BLNK: variants seen among roughly 807,000 people sequenced by gnomAD.
BLNK encodes the protein B cell linker.
Under a neutral mutation model 73.5 loss-of-function variants are expected in BLNK, and 29 were observed. The observed-to-expected ratio is 0.39, with a 90% confidence interval of 0.29 to 0.54. The LOEUF (loss-of-function observed/expected upper bound fraction) is 0.54. BLNK is among the 20% of genes least tolerant of loss of function. BLNK has a pLI of 0.61. For synonymous variants in BLNK, 176 were observed against 200.8 expected, an observed-to-expected ratio of 0.88 and a Z score of 1.04; for missense variants, 460 against 562.8, an observed-to-expected ratio of 0.82 and a Z score of 1.85.
chr10:96,227,335 A>C (rs1842308483), intron 5 of BLNK, 75 bp downstream of exon 5: 2 of 1,576,458 alleles, frequency 1.3e-6, no homozygotes, highest in Middle Eastern at 2.2e-4. Flanking sequence ...GTTTGTCCCC[A>C]CCCCGCAATC....
At chr10:96,261,178 C>T (rs997803207) in intron 1 of BLNK, among the ~76,000 whole-genome samples, 5 of 152,040 alleles carry the variant, frequency 3.3e-5, no homozygotes, top group Admixed American at 6.6e-5. Flanking sequence ...AATATATAAT[C>T]GTGGGTCCCC....
chr10:96,268,529 G>C (rs1179804722), intron 1 of BLNK, among the ~76,000 whole-genome samples: 1 of 152,010 alleles, frequency 6.6e-6, no homozygotes, highest in Admixed American at 6.6e-5. Flanking sequence ...ATGAGAATCT[G>C]TGCTCACACC....
chr10:96,242,328 A>G (rs1411171964), intron 3 of BLNK, among the ~76,000 whole-genome samples: 2 of 152,244 alleles, frequency 1.3e-5, no homozygotes, highest in African/African-American at 4.8e-5. Context: ...CTGTGAGTCC[A>G]TTAAACCTCT....
rs895002772 is a variant in BLNK, at chr10:96,200,236, C to T, written c.1012-78G>A. ...TTTCTGTGTACTAGAAACAAAGACC[C>T]ATTTGCATTATCAAGACAGGCCTCT... On this transcript the variant is annotated intron_variant, in intron 14 of 16. Transcript: ENST00000224337. This position sits in a 1 kb window ranked among gnomAD's most constrained non-coding sequence, Gnocchi z 4.3. 1 of 1,173,300 alleles carries T rather than the reference C, an allele frequency of 8.5e-7. No individual in the cohort carries two copies. Among genetic ancestry groups the T allele is most frequent in the Non-Finnish European group, 1.3e-6 (1 of 790,238 alleles). The allele number at this position is 1,173,300 out of a possible 1,614,324, so 72.7% of individuals were successfully genotyped here.
chr10:96,241,658 C>G (rs1842882491), intron 3 of BLNK, among the ~76,000 whole-genome samples: 1 of 152,162 alleles, frequency 6.6e-6, no homozygotes, highest in Non-Finnish European at 1.5e-5. Flanking sequence ...AGATTAGATT[C>G]ATTAGTGCTG....
intron 5 of BLNK, among the ~76,000 whole-genome samples, chr10:96,225,684 C>T (rs1223470698): frequency 2.0e-5 from 3 of 151,330 alleles, no homozygotes; most frequent in African/African-American, 7.3e-5. Context: ...CTCTTGTTGC[C>T]CAGGCTGGAG....
At chr10:96,256,874 C>A (rs1483559875) in intron 1 of BLNK, among the ~76,000 whole-genome samples, 2 of 91,940 alleles carry the variant, frequency 2.2e-5, no homozygotes, top group African/African-American at 8.2e-5. Flanking sequence ...GAGTGAGACT[C>A]CATCTCAAAA....
At chr10:96,256,158 T>C (rs936576597) in intron 1 of BLNK, among the ~76,000 whole-genome samples, 3 of 151,980 alleles carry the variant, frequency 2.0e-5, no homozygotes, top group Admixed American at 2.0e-4. Context: ...TGGGGGCTGC[T>C]GGCTCAGCCC....
At chr10:96,241,248 G>A (rs1842872074) in intron 3 of BLNK, among the ~76,000 whole-genome samples, 1 of 152,222 alleles carries the variant, frequency 6.6e-6, no homozygotes, top group Admixed American at 6.5e-5. Flanking sequence ...GTTATGGTTT[G>A]GTTTTAGGCT....
chr10:96,215,279 G>A (rs1554899586), intron 8 of BLNK, 42 bp downstream of exon 8: 1 of 1,562,908 alleles, frequency 6.4e-7, no homozygotes, highest in Non-Finnish European at 8.8e-7. Flanking sequence ...TTTCTTATTT[G>A]AAATAGACGT....
At chr10:96,208,682 A>G (rs983084842) in intron 9 of BLNK, among the ~76,000 whole-genome samples, 1 of 152,194 alleles carries the variant, frequency 6.6e-6, no homozygotes, top group Non-Finnish European at 1.5e-5. Flanking sequence ...AACCCTCACC[A>G]TATCTCTCTC....
Position 96,227,561 on chromosome 10 carries a change from G to C in BLNK, c.210C>G (p.Ser70Arg), listed in dbSNP as rs138625467. 1 of 1,613,812 alleles carries C rather than the reference G, an allele frequency of 6.2e-7. No homozygotes were observed. The highest frequency in any genetic ancestry group is 1.7e-5 in the Admixed American group (1 of 60,008). Residue 70 changes from serine to arginine, a missense_variant, in exon 5 of 17, where the codon AGC (serine) becomes AGG (arginine). Ser to Arg is a moderately radical substitution (Grantham distance 110, BLOSUM62 -1). Around this residue, in one of 3 missense-constraint regions of BLNK, gnomAD observed 139 missense variants for 187.3 expected, o/e 0.74. Transcript: ENST00000224337. ...AGTGCTCATCTGGATTTTCATAGTC[G>C]CTGTCCTGCAAGTGCAGATGCAGAC... ...EEEQWSDDFD[S>R]DYENPDEHSD...
At chr10:96,202,441 G>A (rs1454975395) in intron 13 of BLNK, among the ~76,000 whole-genome samples, 1 of 152,218 alleles carries the variant, frequency 6.6e-6, no homozygotes, top group Non-Finnish European at 1.5e-5. Context: ...TGGAAGGTGT[G>A]TGAAGAAAGC....
At chr10:96,206,872 T>G in intron 11 of BLNK, 139 bp downstream of exon 11, 1 of 941,090 alleles carries the variant, frequency 1.1e-6, no homozygotes, top group Non-Finnish European at 1.7e-6. Flanking sequence ...CATTGCTCAT[T>G]GCAAAAACTA....
At chr10:96,244,533 C>T (rs1842977302) in intron 2 of BLNK, among the ~76,000 whole-genome samples, 1 of 152,198 alleles carries the variant, frequency 6.6e-6, no homozygotes, top group Non-Finnish European at 1.5e-5. Context: ...CGGCCATAGA[C>T]CAGTGAAAAC....
Position 96,252,177 on chromosome 10 carries a change from G to A in BLNK, c.48-5128C>T, listed in dbSNP as rs140527222. 8.7e-3 allele frequency among the ~76,000 whole-genome samples: 1,327 copies of A among 152,158 alleles called. 26 individuals carry two copies. The highest frequency in any genetic ancestry group is 0.03 in the African/African-American group (1,254 of 41,496). On this transcript the variant is annotated intron_variant, in intron 1 of 16. Coordinates refer to ENST00000224337, the MANE Select transcript of BLNK (RefSeq NM_013314.4). ...AGCGATTCTCCTGCCTCAGCCTCCC[G>A]AGTAGCTGAGAATACAGGCACCTGC...
intron 3 of BLNK, among the ~76,000 whole-genome samples, chr10:96,234,494 G>C (rs915318880): frequency 1.3e-5 from 2 of 152,154 alleles, no homozygotes. Context: ...AGGCTTTCTA[G>C]GTTCAAATCC....
rs1316869819 is a variant in BLNK at position 96,189,591 on chromosome 10, G to A, written c.*2382C>T. On this transcript the variant is annotated 3_prime_UTR_variant, in exon 17 of 17. Transcript: ENST00000224337. ...TTCTTGTCCTTTTAATCTTGGTGTT[G>A]ATGATGGGTTTGAGTGTTTTCTATT... The A allele has an allele frequency of 1.3e-5, 9 of 687,544 alleles. No individual in the cohort carries two copies. Among genetic ancestry groups the A allele is most frequent in the Non-Finnish European group, 2.2e-5 (8 of 369,394 alleles). The allele number at this position is 687,544 out of a possible 1,614,324, so 42.6% of individuals were successfully genotyped here. A position where few individuals can be genotyped will look rare whatever the true frequency, so the allele number is the denominator to read the frequency against.
chr10:96,256,606 T>A (rs1441171290), intron 1 of BLNK, among the ~76,000 whole-genome samples: 7 of 151,660 alleles, frequency 4.6e-5, no homozygotes, highest in African/African-American at 1.7e-4. Context: ...AAGGGCCGGG[T>A]ATGGTGGCTC....
Sources: allele counts gnomAD v4.1 joint callset (sites outside exome capture counted in the v4.1 genomes callset), GRCh38; gene constraint gnomAD v4.1.1; regional missense constraint gnomAD v4.1.1; non-coding constraint Gnocchi (gnomAD v3.1); transcripts MANE v1.5; gene names NCBI Gene and HGNC (gene_info 2026-07-23, HGNC 2026-07-21).